MTCL3: variants seen among roughly 807,000 people sequenced by gnomAD.
MTCL3 encodes MTCL family member 3.
At chr6:127,477,764 C>T in the MTCL3 span, among the ~76,000 whole-genome samples, 1 of 152,130 alleles carries the variant, frequency 6.6e-6, no homozygotes, top group Non-Finnish European at 1.5e-5. Flanking sequence ...CTGAACATTA[C>T]ATTCCATATA....
the MTCL3 span, chr6:127,475,512 G>C: frequency 6.2e-7 from 1 of 1,613,376 alleles, no homozygotes; most frequent in Non-Finnish European, 8.5e-7. This position sits in a 1 kb window ranked among gnomAD's most constrained non-coding sequence, Gnocchi z 7.3. Context: ...CGGTGATGAT[G>C]GTGCTCGTGT....
At chr6:127,507,618 C>T in the MTCL3 span, among the ~76,000 whole-genome samples, 4 of 151,804 alleles carry the variant, frequency 2.6e-5, no homozygotes, top group Non-Finnish European at 5.9e-5. Context: ...CCGAGGTGGG[C>T]GGATCACAAG....
chr6:127,518,812 A>G, the MTCL3 span: 1 of 152,356 alleles, frequency 6.6e-6, no homozygotes, highest in African/African-American at 2.4e-5. Flanking sequence ...AGCTGCCCCC[A>G]GAGCGGGTGA....
chr6:127,512,583 G>A, the MTCL3 span, among the ~76,000 whole-genome samples: 4 of 151,988 alleles, frequency 2.6e-5, no homozygotes, highest in African/African-American at 9.7e-5. Context: ...TCCTTCACAC[G>A]CTTGACACTC....
At chr6:127,510,386 C>T in the MTCL3 span, among the ~76,000 whole-genome samples, 4 of 152,084 alleles carry the variant, frequency 2.6e-5, no homozygotes, top group Non-Finnish European at 5.9e-5. Context: ...ATCAAGGAAA[C>T]GCATCTTTAC....
chr6:127,508,856 G>C, the MTCL3 span, among the ~76,000 whole-genome samples: 1 of 152,140 alleles, frequency 6.6e-6, no homozygotes, highest in African/African-American at 2.4e-5. Flanking sequence ...CTACAGCAGC[G>C]GAACCTCATG....
At chr6:127,494,719 G>A in the MTCL3 span, among the ~76,000 whole-genome samples, 45,476 of 151,924 alleles carry the variant, frequency 0.3, 7,532 homozygotes, top group Middle Eastern at 0.39. Flanking sequence ...TTATTAGAGG[G>A]TCTGTCAAAC....
chr6:127,516,437 G>T, the MTCL3 span: 1 of 1,600,088 alleles, frequency 6.2e-7, no homozygotes. Context: ...GCCCCCACTG[G>T]GGACCGGGTG....
chr6:127,473,417 G>C, the MTCL3 span: 4 of 1,459,750 alleles, frequency 2.7e-6, no homozygotes, highest in South Asian at 1.3e-5. Context: ...CAAAGACAAA[G>C]AGAAGAGTTA....
chr6:127,482,136 G>A, the MTCL3 span, among the ~76,000 whole-genome samples: 46,793 of 152,050 alleles, frequency 0.31, 7,813 homozygotes, highest in Middle Eastern at 0.39. This position sits in a 1 kb window ranked among gnomAD's most constrained non-coding sequence, Gnocchi z 4.1. Flanking sequence ...TTATGGAGTA[G>A]CCATTCTTTT....
the MTCL3 span, among the ~76,000 whole-genome samples, chr6:127,509,811 T>C: frequency 2.1e-4 from 32 of 152,356 alleles, no homozygotes; most frequent in African/African-American, 6.7e-4. Context: ...AAGCCAGTTA[T>C]AATTGCAGCT....
At chr6:127,474,155 T>TA in the MTCL3 span, among the ~76,000 whole-genome samples, 84,174 of 148,318 alleles carry the variant, frequency 0.57, 23,651 homozygotes, top group East Asian at 0.65. Context: ...CAACTTATGG[T>TA]AAAAAAAAAA....
At chr6:127,475,800 C>T in the MTCL3 span, 1 of 1,612,176 alleles carries the variant, frequency 6.2e-7, no homozygotes. This position sits in a 1 kb window ranked among gnomAD's most constrained non-coding sequence, Gnocchi z 7.3. Flanking sequence ...CGCGGATGCC[C>T]AGGTGCGAGG....
the MTCL3 span, chr6:127,476,522 A>G: frequency 7.0e-7 from 1 of 1,419,082 alleles, no homozygotes; most frequent in Admixed American, 2.3e-5. This position sits in a 1 kb window ranked among gnomAD's most constrained non-coding sequence, Gnocchi z 4.4. Context: ...ATGTAAATCA[A>G]GGAAACAACC....
chr6:127,515,637 C>T, the MTCL3 span: 5 of 1,420,226 alleles, frequency 3.5e-6, no homozygotes, highest in Non-Finnish European at 3.7e-6. The surrounding 1 kb of genome is among the most constrained non-coding windows in gnomAD (Gnocchi z 4.3). Flanking sequence ...CCCCGCCGCT[C>T]GCGCTGCCCT....
At chr6:127,511,271 C>A in the MTCL3 span, among the ~76,000 whole-genome samples, 6 of 152,180 alleles carry the variant, frequency 3.9e-5, no homozygotes, top group Non-Finnish European at 7.3e-5. Context: ...GCTGTTTAAG[C>A]CACCCAGTTT....
chr6:127,483,463 C>G, the MTCL3 span, among the ~76,000 whole-genome samples: 1 of 152,186 alleles, frequency 6.6e-6, no homozygotes. Flanking sequence ...CACCCCCTTG[C>G]TCCTCCTCGA....
the MTCL3 span, chr6:127,476,110 C>T: frequency 6.2e-7 from 1 of 1,614,152 alleles, no homozygotes; most frequent in Non-Finnish European, 8.5e-7. This position sits in a 1 kb window ranked among gnomAD's most constrained non-coding sequence, Gnocchi z 4.4. Flanking sequence ...CAGGGATTCG[C>T]TCTGCTCCCT....
chr6:127,482,426 T>C, the MTCL3 span, among the ~76,000 whole-genome samples: 2 of 152,212 alleles, frequency 1.3e-5, no homozygotes, highest in Non-Finnish European at 2.9e-5. The surrounding 1 kb of genome is among the most constrained non-coding windows in gnomAD (Gnocchi z 4.1). Flanking sequence ...ATCTTTCAAC[T>C]TTCATTTTTA....
Sources: gnomAD v4.1 joint callset for allele counts (sites outside exome capture counted in the v4.1 genomes callset) on GRCh38, gnomAD v4.1.1 for gene constraint, Gnocchi (gnomAD v3.1) non-coding constraint, MANE v1.5 for transcripts, NCBI Gene and HGNC (gene_info 2026-07-23, HGNC 2026-07-21) for gene names.